Variants in PIWIL1 observed in about 807,000 individuals in gnomAD.
PIWIL1 encodes the protein piwi like RNA-mediated gene silencing 1.
Under a neutral mutation model 114.4 loss-of-function variants are expected in PIWIL1, and 73 were observed. That is an observed-to-expected ratio of 0.64 (90% CI 0.53 to 0.78). PIWIL1 has a LOEUF of 0.78. PIWIL1 is among the 30% of genes least tolerant of loss of function. The pLI is 0.00. For synonymous variants in PIWIL1, 375 were observed against 369.0 expected, an observed-to-expected ratio of 1.02 and a Z score of -0.19; for missense variants, 723 against 1,063.1, an observed-to-expected ratio of 0.68 and a Z score of 4.45.
At chr12:130,358,158 G>A (rs887132960) in intron 14 of PIWIL1, among the ~76,000 whole-genome samples, 10 of 152,200 alleles carry the variant, frequency 6.6e-5, no homozygotes, top group Admixed American at 4.6e-4. Context: ...GGAGGACTGA[G>A]TCCCGAAGAG....
intron 1 of PIWIL1, among the ~76,000 whole-genome samples, chr12:130,341,486 C>T (rs2072917199): frequency 6.6e-6 from 1 of 152,174 alleles, no homozygotes; most frequent in Admixed American, 6.5e-5. Flanking sequence ...ATCCTGCCTT[C>T]GTGTAGTATT....
chr12:130,351,431 T>A (rs1273875073), intron 9 of PIWIL1: 4 of 152,206 alleles, frequency 2.6e-5, no homozygotes, highest in Non-Finnish European at 5.9e-5. Context: ...GACTTCCAGT[T>A]CCAGCCTAGA....
chr12:130,373,797 C>A (rs553432324), downstream of PIWIL1, among the ~76,000 whole-genome samples: 1 of 152,100 alleles, frequency 6.6e-6, no homozygotes, highest in African/African-American at 2.4e-5. Flanking sequence ...CTGTTGCATG[C>A]GGCGACAGAG....
the PIWIL1 span, among the ~76,000 whole-genome samples, chr12:130,395,580 A>G: frequency 6.6e-6 from 1 of 152,096 alleles, no homozygotes; most frequent in East Asian, 1.9e-4. Flanking sequence ...TTTGTTAGCA[A>G]CTCTTCAACT....
the PIWIL1 span, chr12:130,406,290 T>C: frequency 7.7e-7 from 1 of 1,294,908 alleles, no homozygotes; most frequent in Non-Finnish European, 1.1e-6. Context: ...TACACAACAG[T>C]AGTAGTTTTT....
At chr12:130,382,542 T>G in the PIWIL1 span, among the ~76,000 whole-genome samples, 1 of 152,246 alleles carries the variant, frequency 6.6e-6, no homozygotes, top group Non-Finnish European at 1.5e-5. Context: ...CCAAATGGAT[T>G]TGTCGTCACT....
the PIWIL1 span, chr12:130,424,256 C>A: frequency 2.4e-6 from 3 of 1,231,868 alleles, no homozygotes; most frequent in Non-Finnish European, 3.0e-6. This position sits in a 1 kb window ranked among gnomAD's most constrained non-coding sequence, Gnocchi z 9.8. Context: ...GCTCGGTGGG[C>A]TCGCCCCAGC....
chr12:130,392,967 C>T, the PIWIL1 span, among the ~76,000 whole-genome samples: 1 of 136,476 alleles, frequency 7.3e-6, no homozygotes, highest in African/African-American at 2.8e-5. Flanking sequence ...ACCCAGTCAC[C>T]GTCATCACGT....
At chr12:130,370,703 T>C (rs2136201267) in intron 19 of PIWIL1, among the ~76,000 whole-genome samples, 1 of 152,340 alleles carries the variant, frequency 6.6e-6, no homozygotes, top group South Asian at 2.1e-4. Context: ...AATTCTACTT[T>C]TGTTAAATAA....
At chr12:130,411,420 G>A in the PIWIL1 span, among the ~76,000 whole-genome samples, 5 of 152,130 alleles carry the variant, frequency 3.3e-5, no homozygotes, top group African/African-American at 1.2e-4. Flanking sequence ...CGACATCCTT[G>A]TCTGTGCCTG....
chr12:130,417,733 T>C, the PIWIL1 span, among the ~76,000 whole-genome samples: 1 of 152,188 alleles, frequency 6.6e-6, no homozygotes, highest in East Asian at 1.9e-4. Flanking sequence ...AAAATAAAAG[T>C]TGAAAGTTTA....
At chr12:130,405,880 T>G in the PIWIL1 span, among the ~76,000 whole-genome samples, 1 of 152,194 alleles carries the variant, frequency 6.6e-6, no homozygotes, top group South Asian at 2.1e-4. Flanking sequence ...AATGTTTGGG[T>G]GGCAGCAATT....
chr12:130,400,442 T>A, the PIWIL1 span, among the ~76,000 whole-genome samples: 15 of 152,244 alleles, frequency 9.9e-5, no homozygotes, highest in Non-Finnish European at 1.9e-4. Context: ...TACATATCTA[T>A]GCCTTGTCTA....
intron 11 of PIWIL1, 58 bp downstream of exon 11, chr12:130,355,063 G>A: frequency 9.9e-7 from 1 of 1,014,522 alleles, no homozygotes; most frequent in Non-Finnish European, 1.6e-6. Flanking sequence ...ATTTTATGTG[G>A]CTTTGAGGGG....
At chr12:130,412,714 T>C in the PIWIL1 span, 2 of 1,613,784 alleles carry the variant, frequency 1.2e-6, no homozygotes, top group Non-Finnish European at 1.7e-6. Flanking sequence ...AGAGACCATG[T>C]TACAAGGAAT....
intron 19 of PIWIL1, among the ~76,000 whole-genome samples, chr12:130,368,817 T>C (rs1046976109): frequency 2.6e-5 from 4 of 152,114 alleles, no homozygotes; most frequent in African/African-American, 9.7e-5. Context: ...GTCATGAGTT[T>C]TCACTAGATA....
the PIWIL1 span, among the ~76,000 whole-genome samples, chr12:130,421,989 G>T: frequency 6.6e-6 from 1 of 152,204 alleles, no homozygotes; most frequent in Non-Finnish European, 1.5e-5. Flanking sequence ...CATTTCAGGG[G>T]CACACTCAGC....
At chr12:130,367,972 G>T (rs2073714049) in intron 19 of PIWIL1, among the ~76,000 whole-genome samples, 1 of 152,114 alleles carries the variant, frequency 6.6e-6, no homozygotes, top group Admixed American at 6.5e-5. Flanking sequence ...TAATTTTTGT[G>T]TTTTTAGTAG....
intron 1 of PIWIL1, among the ~76,000 whole-genome samples, chr12:130,340,577 T>C (rs1027899880): frequency 7.1e-6 from 1 of 141,126 alleles, no homozygotes; most frequent in African/African-American, 2.6e-5. Flanking sequence ...CACTTCCTGC[T>C]GTGTGGCCTG....
Sources: allele counts gnomAD v4.1 joint callset (sites outside exome capture counted in the v4.1 genomes callset), GRCh38; gene constraint gnomAD v4.1.1; non-coding constraint Gnocchi (gnomAD v3.1); transcripts MANE v1.5; gene names NCBI Gene and HGNC (gene_info 2026-07-23, HGNC 2026-07-21).